The following ZBTB7C variants were observed in gnomAD, a reference collection of about 807,000 sequenced individuals.
The protein encoded by ZBTB7C is zinc finger and BTB domain containing 7C, also known as zinc finger and BTB domain-containing protein 7C.
A neutral mutation model predicts 25.7 loss-of-function variants in ZBTB7C; 8 were observed. The observed-to-expected ratio is 0.31, with a 90% confidence interval of 0.18 to 0.56. The LOEUF is 0.56. ZBTB7C is among the 20% of genes least tolerant of loss of function. The pLI is 0.91. For synonymous variants in ZBTB7C, 394 were observed against 369.0 expected (o/e 1.07, Z -0.78); for missense variants, 824 against 855.2 (o/e 0.96, Z 0.46).
chr18:48,376,717 G>A (rs1298731499), intron 1 of ZBTB7C, among the ~76,000 whole-genome samples: 1 of 152,244 alleles, frequency 6.6e-6, no homozygotes, highest in Non-Finnish European at 1.5e-5. Context: ...TCCTGTGGCT[G>A]TAAGGCCTGT....
At chr18:48,226,204 TA>T (rs2043087478) in intron 2 of ZBTB7C, among the ~76,000 whole-genome samples, 1 of 152,250 alleles carries the variant, frequency 6.6e-6, no homozygotes, top group Non-Finnish European at 1.5e-5. Context: ...GTTACTGTTT[TA>T]GGCCACTAAG....
intron 3 of ZBTB7C, among the ~76,000 whole-genome samples, chr18:48,086,256 T>C (rs971085447): frequency 3.9e-5 from 6 of 152,208 alleles, no homozygotes; most frequent in African/African-American, 1.4e-4. Context: ...TCTCATTTAA[T>C]CCTCACAACA....
intron 2 of ZBTB7C, among the ~76,000 whole-genome samples, chr18:48,251,524 G>A (rs1217871809): frequency 6.6e-6 from 1 of 152,176 alleles, no homozygotes; most frequent in East Asian, 1.9e-4. Flanking sequence ...GCCTGAAAAA[G>A]CAAGCTAGAA....
At chr18:48,376,043 T>C (rs1244258894) in intron 1 of ZBTB7C, among the ~76,000 whole-genome samples, 1 of 152,258 alleles carries the variant, frequency 6.6e-6, no homozygotes, top group Non-Finnish European at 1.5e-5. Flanking sequence ...AAGTTTCTGC[T>C]TCTGCAGTTC....
At chr18:48,276,451 T>G (rs1471904777) in intron 2 of ZBTB7C, among the ~76,000 whole-genome samples, 1 of 81,496 alleles carries the variant, frequency 1.2e-5, no homozygotes, top group African/African-American at 4.9e-5. Context: ...CCCTCCCCCC[T>G]CCCCCCACCC....
At chr18:48,368,016 A>T (rs895057759) in intron 1 of ZBTB7C, among the ~76,000 whole-genome samples, 4 of 152,052 alleles carry the variant, frequency 2.6e-5, no homozygotes, top group Non-Finnish European at 5.9e-5. Flanking sequence ...ACACAGCCTC[A>T]AAACACAATA....
chr18:48,234,603 A>C (rs2043332275), intron 2 of ZBTB7C, among the ~76,000 whole-genome samples: 1 of 152,208 alleles, frequency 6.6e-6, no homozygotes, highest in Non-Finnish European at 1.5e-5. Flanking sequence ...TTAATGACCT[A>C]TTAAGCCTTG....
At chr18:48,252,578 C>G (rs1350885169) in intron 2 of ZBTB7C, 1 of 152,262 alleles carries the variant, frequency 6.6e-6, no homozygotes, top group Non-Finnish European at 1.5e-5. Context: ...CTGCCTCTTC[C>G]CGTCAGGTCC....
At chr18:48,089,469 A>G (rs1211310010) in intron 3 of ZBTB7C, among the ~76,000 whole-genome samples, 1 of 128,966 alleles carries the variant, frequency 7.8e-6, no homozygotes, top group African/African-American at 2.9e-5. Flanking sequence ...GAGACTCAAG[A>G]CTCCATCTCG....
chr18:48,325,684 G>C (rs952676065), intron 2 of ZBTB7C, among the ~76,000 whole-genome samples: 2 of 152,206 alleles, frequency 1.3e-5, no homozygotes, highest in African/African-American at 4.8e-5. Context: ...TGATATCCAA[G>C]GCCTGAGGAT....
intron 3 of ZBTB7C, among the ~76,000 whole-genome samples, chr18:48,081,545 G>A (rs140764813): frequency 2.6e-5 from 4 of 151,024 alleles, no homozygotes; most frequent in South Asian, 2.1e-4. Flanking sequence ...TGCAAGCTCC[G>A]CCTCCCAGGT....
chr18:48,277,204 C>T (rs1281055410), intron 2 of ZBTB7C, among the ~76,000 whole-genome samples: 2 of 144,952 alleles, frequency 1.4e-5, no homozygotes, highest in South Asian at 2.4e-4. Context: ...TCAGAGTGAA[C>T]AGGCAACCTA....
intron 3 of ZBTB7C, among the ~76,000 whole-genome samples, chr18:48,042,944 G>C (rs1360056500): frequency 6.6e-6 from 1 of 152,196 alleles, no homozygotes; most frequent in Admixed American, 6.5e-5. Context: ...TCACCAAACA[G>C]AGTATACAGA....
At chr18:48,282,344 G>A (rs1413000164) in intron 2 of ZBTB7C, among the ~76,000 whole-genome samples, 1 of 148,936 alleles carries the variant, frequency 6.7e-6, no homozygotes, top group Non-Finnish European at 1.5e-5. Flanking sequence ...ATAGCATTAG[G>A]AGATATACCT....
At chr18:48,084,395 T>G (rs1365031019) in intron 3 of ZBTB7C, among the ~76,000 whole-genome samples, 2 of 152,176 alleles carry the variant, frequency 1.3e-5, no homozygotes, top group Admixed American at 6.5e-5. Flanking sequence ...TCATTTCACT[T>G]GTCATATTAG....
chr18:48,373,847 G>C (rs12326514), intron 1 of ZBTB7C, among the ~76,000 whole-genome samples: 34,070 of 152,022 alleles, frequency 0.22, 4,568 homozygotes, highest in Non-Finnish European at 0.31. Flanking sequence ...TGTAGTCCCA[G>C]CTACTCGGGG....
chr18:48,406,859 C>T (rs1467666969), intron 1 of ZBTB7C, among the ~76,000 whole-genome samples: 1 of 152,184 alleles, frequency 6.6e-6, no homozygotes, highest in African/African-American at 2.4e-5. Context: ...AATCTAGCAT[C>T]GCCCTAGAGT....
chr18:48,321,651 G>A (rs1294400900), intron 2 of ZBTB7C, among the ~76,000 whole-genome samples: 1 of 152,164 alleles, frequency 6.6e-6, no homozygotes, highest in Non-Finnish European at 1.5e-5. Flanking sequence ...TTCCCTAGGT[G>A]AAAATGGTGC....
chr18:48,135,795 C>T (rs2040134219), intron 3 of ZBTB7C, among the ~76,000 whole-genome samples: 1 of 152,162 alleles, frequency 6.6e-6, no homozygotes, highest in Non-Finnish European at 1.5e-5. Flanking sequence ...AGAAACTGCT[C>T]GATTGTTTCA....
Sources: allele counts gnomAD v4.1 joint callset (sites outside exome capture counted in the v4.1 genomes callset), GRCh38; gene constraint gnomAD v4.1.1; transcripts MANE v1.5; gene names NCBI Gene and HGNC (gene_info 2026-07-23, HGNC 2026-07-21).